FBRSL1: variants seen among roughly 807,000 people sequenced by gnomAD.
FBRSL1 encodes fibrosin-1-like protein.
Under a neutral mutation model 89.6 loss-of-function variants are expected in FBRSL1, and 51 were observed. The observed-to-expected ratio is 0.57, with a 90% CI of 0.45 to 0.72. The LOEUF (loss-of-function observed/expected upper bound fraction) is 0.72, where lower values mean the gene tolerates loss of function less well. Among genes scored for constraint, FBRSL1 ranks in the 30% least tolerant of loss-of-function variants. The probability of loss-of-function intolerance (pLI) is 0.00; values close to 1 mark genes in which losing one functional copy is unlikely to be tolerated. For synonymous variants in FBRSL1, 779 were observed against 681.1 expected (o/e 1.14, Z -2.24); for missense variants, 1,618 against 1,451.8 (o/e 1.11, Z -1.86).
Position 132,570,218 on chromosome 12 carries a change from A to G in FBRSL1, c.984A>G (p.Ala328=). The G allele has an allele frequency of 2.0e-6, 3 of 1,500,840 alleles. No individual in the cohort carries two copies. Among genetic ancestry groups the G allele is most frequent in the Non-Finnish European group, 2.6e-6 (3 of 1,133,698 alleles). 93.0% of individuals were successfully genotyped at this position (1,500,840 alleles called of 1,614,324 possible). The change falls in exon 7 of 19, where the codon GCA becomes GCG. Residue 328 remains alanine, a synonymous_variant. Transcript: ENST00000680143. The part of the protein sequence containing the change: ...LGAFAGHSQA[A]ANGLHGLSRS... ...CCTTCGCGGGCCACAGCCAGGCGGC[A>G]GCCAACGGCCTGCACGGCCTCAGGT...
At chr12:132,511,959 G>A (rs1009286095) in intron 2 of FBRSL1, 2 of 985,174 alleles carry the variant, frequency 2.0e-6, no homozygotes, top group African/African-American at 1.7e-5. Context: ...AACAGCATCA[G>A]CGTTTGTAAT....
chr12:132,537,508 C>T (rs921351022), intron 4 of FBRSL1, among the ~76,000 whole-genome samples: 8 of 152,102 alleles, frequency 5.3e-5, no homozygotes, highest in Admixed American at 1.3e-4. Flanking sequence ...GTGGCAGTCG[C>T]GACTTGAGAA....
chr12:132,527,940 T>G lies in FBRSL1; in HGVS notation c.580-13T>G. 1 of 1,551,172 alleles carries G rather than the reference T, an allele frequency of 6.4e-7. No individual in the cohort carries two copies. The highest frequency in any genetic ancestry group is 8.7e-7 in the Non-Finnish European group (1 of 1,146,828). ...TGGCAGCCTCACTGACTGTCCCCTCTTCCTTCCTGCAGAGCTCTGCGCATG... is the reference window on the plus strand; with the variant it reads ...TGGCAGCCTCACTGACTGTCCCCTCGTCCTTCCTGCAGAGCTCTGCGCATG... On this transcript the variant is annotated splice_polypyrimidine_tract_variant and intron_variant, in intron 3 of 18. Transcript: ENST00000680143.
chr12:132,564,531 T>C (rs2137718993), intron 5 of FBRSL1, among the ~76,000 whole-genome samples: 1 of 95,420 alleles, frequency 1.0e-5, no homozygotes, highest in African/African-American at 7.0e-5. Context: ...AGTCTCGCTC[T>C]GTCGCCCAGG....
At chr12:132,555,441 G>A (rs1274126248) in intron 5 of FBRSL1, among the ~76,000 whole-genome samples, 1 of 140,252 alleles carries the variant, frequency 7.1e-6, no homozygotes, top group African/African-American at 2.7e-5. Context: ...CACGGTAGCT[G>A]CGCCACCGGA....
At chr12:132,503,058 AG>A (rs1231381815) in intron 1 of FBRSL1, among the ~76,000 whole-genome samples, 1 of 151,690 alleles carries the variant, frequency 6.6e-6, no homozygotes, top group African/African-American at 2.4e-5. Flanking sequence ...ATAGCTCCCA[AG>A]GGGTGGAGTG....
chr12:132,583,071 G>A lies in FBRSL1; in HGVS notation c.2302G>A (p.Gly768Ser), dbSNP rs1265359990. The A allele has an allele frequency of 2.8e-6, 4 of 1,445,836 alleles. No homozygotes were observed. The East Asian group carries it at 1.2e-4, about 45-fold the overall frequency. 89.6% of individuals were successfully genotyped at this position (1,445,836 alleles called of 1,614,324 possible). A position where few individuals can be genotyped will look rare whatever the true frequency, so the allele number is the denominator to read the frequency against. The stretch of plus-strand genomic sequence containing the variant: ...CCTGCTCCGGGCCCAGAGCGAGCTG[G>A]GCCGGTCCGGGGCCCCCGCGGAGCG... ...GLLLRAQSEL[G>S]RSGAPAEREA... The change falls in exon 19 of 19, where the codon GGC (glycine) becomes AGC (serine). Residue 768 changes from glycine to serine, a missense_variant. Coordinates refer to ENST00000680143, the MANE Select transcript of FBRSL1 (RefSeq NM_001367871.1).
Position 132,551,298 on chromosome 12 carries a change from A to G in FBRSL1, c.645+3266A>G, listed in dbSNP as rs1363880114. ...ACAGGGACCCTCAGAGACCTCACTCAGACCTGGGAGGCCCATTGCTCACAT... is the reference window on the plus strand; with the variant it reads ...ACAGGGACCCTCAGAGACCTCACTCGGACCTGGGAGGCCCATTGCTCACAT... On this transcript the variant is annotated intron_variant, in intron 5 of 18. Coordinates refer to ENST00000680143, the MANE Select transcript of FBRSL1 (RefSeq NM_001367871.1). 9.4e-6 allele frequency: 4 copies of G among 423,358 alleles called. No homozygotes were observed. The East Asian group carries it at 2.9e-4, about 31-fold the overall frequency. 26.2% of individuals were successfully genotyped at this position (423,358 alleles called of 1,614,324 possible).
At chr12:132,547,293 T>C (rs965509012) in intron 4 of FBRSL1, among the ~76,000 whole-genome samples, 5 of 151,358 alleles carry the variant, frequency 3.3e-5, no homozygotes, top group Non-Finnish European at 5.9e-5. Flanking sequence ...CTCTGCTTAC[T>C]GAAAACGGAG....
intron 15 of FBRSL1, among the ~76,000 whole-genome samples, chr12:132,577,624 G>C (rs367983611): frequency 6.6e-6 from 1 of 151,282 alleles, no homozygotes; most frequent in Non-Finnish European, 1.5e-5. Flanking sequence ...CCACTCCCCC[G>C]AGTCACCCCC....
chr12:132,571,908 G>C lies in FBRSL1; in HGVS notation c.1378-380G>C, dbSNP rs1593557401. On this transcript the variant is annotated intron_variant, in intron 9 of 18. Transcript: ENST00000680143. ...CCCGGTCTGAGGAGGGAGTTGCTGG[G>C]GGCTGGAGTCCCCTCCACTCTCTCG... The C allele has an allele frequency of 1.4e-5, 5 of 347,214 alleles. No homozygotes were observed. The South Asian group carries it at 2.7e-4, about 19-fold the overall frequency. 21.5% of individuals were successfully genotyped at this position (347,214 alleles called of 1,614,324 possible). A position where few individuals can be genotyped will look rare whatever the true frequency, so the allele number is the denominator to read the frequency against.
At chr12:132,526,056 T>C (rs932401695) in intron 3 of FBRSL1, among the ~76,000 whole-genome samples, 3 of 152,272 alleles carry the variant, frequency 2.0e-5, no homozygotes, top group African/African-American at 7.2e-5. Context: ...ATGAGCATTT[T>C]GCCTTCGTTA....
chr12:132,519,903 A>AG (rs1298042158), intron 2 of FBRSL1, among the ~76,000 whole-genome samples: 1 of 151,054 alleles, frequency 6.6e-6, no homozygotes, highest in Non-Finnish European at 1.5e-5. Flanking sequence ...CTGTCTCAAA[A>AG]AAAAAAAAAA....
At position 132,581,922 on chromosome 12, in the gene FBRSL1, C is replaced by T. The variant is rs978608009; in HGVS notation, c.1996+98C>T. Reference sequence around the variant, plus strand: ...ACCCCGATGCCTGGCTGACCTCCCTCCTCTCTGGGCTGGGCCTCCTTGGGG... The same window carrying T: ...ACCCCGATGCCTGGCTGACCTCCCTTCTCTCTGGGCTGGGCCTCCTTGGGG... On this transcript the variant is annotated intron_variant, in intron 17 of 18. Coordinates refer to ENST00000680143, the MANE Select transcript of FBRSL1 (RefSeq NM_001367871.1). The T allele has an allele frequency of 3.0e-6, 4 of 1,333,868 alleles. No individual in the cohort carries two copies. The African/African-American group carries it at 5.9e-5, about 20-fold the overall frequency. The allele number at this position is 1,333,868 out of a possible 1,614,324, so 82.6% of individuals were successfully genotyped here.
rs76766795 is a variant in FBRSL1 at position 132,581,110 on chromosome 12, C to T, written c.1835-329C>T. The T allele has an allele frequency of 8.7e-4, 858 of 985,448 alleles. 4 individuals are homozygous for T. The African/African-American group carries it at 0.012, about 13-fold the overall frequency. 61.0% of individuals were successfully genotyped at this position (985,448 alleles called of 1,614,324 possible). A position where few individuals can be genotyped will look rare whatever the true frequency, so the allele number is the denominator to read the frequency against. On this transcript the variant is annotated intron_variant, in intron 15 of 18. Coordinates refer to ENST00000680143, the MANE Select transcript of FBRSL1 (RefSeq NM_001367871.1). ...TGAGATAAAGGCTTCAGGAGTGGTC[C>T]GATCAAGGTGCATGTTACTTGGACT...
At chr12:132,531,607 C>T (rs915150026) in intron 4 of FBRSL1, among the ~76,000 whole-genome samples, 3 of 152,058 alleles carry the variant, frequency 2.0e-5, no homozygotes, top group Non-Finnish European at 2.9e-5. Flanking sequence ...TGTTTGCATG[C>T]TGTGCATGTG....
At chr12:132,555,050 T>G (rs1211100087) in intron 5 of FBRSL1, 3 of 152,256 alleles carry the variant, frequency 2.0e-5, no homozygotes, top group Admixed American at 2.0e-4. Context: ...TGCCCCCTGC[T>G]GGGGGCGACC....
intron 4 of FBRSL1, among the ~76,000 whole-genome samples, chr12:132,532,084 G>T (rs955439410): frequency 5.9e-5 from 9 of 152,196 alleles, no homozygotes; most frequent in Admixed American, 2.6e-4. Context: ...AGCCATTCCT[G>T]CCGGCACAGG....
chr12:132,572,583 C>A lies in FBRSL1; in HGVS notation c.1491C>A (p.Pro497=), dbSNP rs1404966494. ...GACTGCCCACCCTGCTCCCACACCCCGGCCCCTTCGGGTCCCTGCAGGGCG... is the reference window on the plus strand; with the variant it reads ...GACTGCCCACCCTGCTCCCACACCCAGGCCCCTTCGGGTCCCTGCAGGGCG... The part of the protein sequence containing the change: ...IPGLPTLLPH[P]GPFGSLQGAF... Residue 497 remains proline, a synonymous_variant, in exon 11 of 19, where the codon CCC becomes CCA. Transcript: ENST00000680143. 1 of 1,551,224 alleles carries A rather than the reference C, an allele frequency of 6.4e-7. No homozygotes were observed. The highest frequency in any genetic ancestry group is 2.4e-5 in the East Asian group (1 of 40,908).
Sources: gnomAD v4.1 joint callset for allele counts (sites outside exome capture counted in the v4.1 genomes callset) on GRCh38, gnomAD v4.1.1 for gene constraint, MANE v1.5 for transcripts, NCBI Gene and HGNC (gene_info 2026-07-23, HGNC 2026-07-21) for gene names.